The following RAD51B variants were observed in gnomAD, a reference collection of about 807,000 sequenced individuals.
RAD51B encodes the protein RAD51 paralog B.
Under a neutral mutation model 42.2 loss-of-function variants are expected in RAD51B, and 38 were observed. That is an observed-to-expected ratio of 0.90 (90% CI 0.70 to 1.18). The LOEUF (loss-of-function observed/expected upper bound fraction) is 1.18. RAD51B is among the 50% of genes most tolerant of loss of function. The pLI is 0.00. For synonymous variants in RAD51B, 154 were observed against 145.2 expected, an observed-to-expected ratio of 1.06 and a Z score of -0.43; for missense variants, 373 against 400.7, an observed-to-expected ratio of 0.93 and a Z score of 0.59.
Position 67,891,224 on chromosome 14 carries a change from T to A in RAD51B, c.756+4020T>A, listed in dbSNP as rs537732984. Among the ~76,000 whole-genome samples, 19 of 152,258 alleles carry A rather than the reference T, an allele frequency of 1.2e-4. No individual in the cohort carries two copies. The South Asian group carries it at 3.7e-3, about 30-fold the overall frequency. Reference sequence around the variant, plus strand: ...TAACACTATTTACAAAAGAGGTTTATGGAGATAAATTTGGATATATTATTA... The same window carrying A: ...TAACACTATTTACAAAAGAGGTTTAAGGAGATAAATTTGGATATATTATTA... On this transcript the variant is annotated intron_variant, in intron 7 of 10. Coordinates refer to ENST00000471583, the MANE Select transcript of RAD51B (RefSeq NM_133510.4).
intron 7 of RAD51B, among the ~76,000 whole-genome samples, chr14:67,906,210 A>G (rs562782083): frequency 6.6e-6 from 1 of 152,040 alleles, no homozygotes; most frequent in Non-Finnish European, 1.5e-5. Context: ...ATTGATTTGC[A>G]TGTTGAGCCA....
At chr14:68,579,364 C>T (rs1215659651) in intron 10 of RAD51B, among the ~76,000 whole-genome samples, 2 of 152,122 alleles carry the variant, frequency 1.3e-5, no homozygotes, top group African/African-American at 4.8e-5. Context: ...ATTCCTGGAG[C>T]ACAGAATGTA....
At chr14:67,865,236 C>G in intron 5 of RAD51B, 97 bp downstream of exon 5, 1 of 1,173,326 alleles carries the variant, frequency 8.5e-7, no homozygotes, top group South Asian at 2.5e-5. Context: ...ACCCCTCCCC[C>G]TTGCCTTTTT....
intron 7 of RAD51B, among the ~76,000 whole-genome samples, chr14:68,018,514 A>T (rs1193543342): frequency 6.6e-6 from 1 of 152,234 alleles, no homozygotes; most frequent in African/African-American, 2.4e-5. Context: ...GAGTTTCAAC[A>T]AGGATTAGAT....
chr14:68,378,364 T>A (rs1433903356), intron 8 of RAD51B, among the ~76,000 whole-genome samples: 2 of 152,226 alleles, frequency 1.3e-5, no homozygotes, highest in African/African-American at 4.8e-5. Context: ...TTTAATTTAT[T>A]AGTGCCCAAC....
At chr14:68,356,876 G>C (rs1037372199) in intron 8 of RAD51B, among the ~76,000 whole-genome samples, 4 of 151,494 alleles carry the variant, frequency 2.6e-5, no homozygotes, top group African/African-American at 4.8e-5. Context: ...CCAGCTACTT[G>C]GGAGGCTGAG....
chr14:68,420,305 G>A (rs766933961), intron 9 of RAD51B, among the ~76,000 whole-genome samples: 9 of 152,168 alleles, frequency 5.9e-5, no homozygotes, highest in Non-Finnish European at 1.3e-4. Context: ...TTTGGGGTGA[G>A]TCCATAAAGA....
intron 5 of RAD51B, among the ~76,000 whole-genome samples, chr14:67,877,111 G>A (rs1276890691): frequency 2.0e-5 from 3 of 151,936 alleles, no homozygotes; most frequent in Admixed American, 2.0e-4. Context: ...TTTTTTTACA[G>A]TAATAAATAG....
intron 10 of RAD51B, among the ~76,000 whole-genome samples, chr14:68,605,028 A>G (rs4375591): frequency 0.85 from 129,066 of 152,148 alleles, 55,044 homozygotes; most frequent in Middle Eastern, 0.9. Flanking sequence ...GGTGTGGCCC[A>G]GGCGGTGCTG....
intron 8 of RAD51B, among the ~76,000 whole-genome samples, chr14:68,329,931 G>A (rs185480875): frequency 1.3e-5 from 2 of 148,724 alleles, no homozygotes; most frequent in Non-Finnish European, 1.5e-5. Context: ...GCAGTGAGCC[G>A]AGATCGTGCC....
intron 10 of RAD51B, among the ~76,000 whole-genome samples, chr14:68,503,257 G>T (rs1304906486): frequency 1.3e-5 from 2 of 152,224 alleles, no homozygotes; most frequent in Non-Finnish European, 2.9e-5. Flanking sequence ...AGGAGGGTGT[G>T]TGTGGAGGAA....
At chr14:68,241,269 G>C (rs540059960) in intron 7 of RAD51B, among the ~76,000 whole-genome samples, 1 of 152,200 alleles carries the variant, frequency 6.6e-6, no homozygotes, top group Admixed American at 6.5e-5. Context: ...TCAGGCGGGC[G>C]TGGTGGCTCA....
intron 4 of RAD51B, among the ~76,000 whole-genome samples, chr14:67,838,794 G>T: frequency 7.5e-6 from 1 of 133,586 alleles, no homozygotes; most frequent in Middle Eastern, 4.0e-3. Flanking sequence ...ATTATTTCTA[G>T]ATAAAAAAGT....
intron 9 of RAD51B, among the ~76,000 whole-genome samples, chr14:68,457,342 A>G (rs1052018537): frequency 6.6e-6 from 1 of 152,244 alleles, no homozygotes; most frequent in African/African-American, 2.4e-5. Flanking sequence ...AAGAGAAATT[A>G]GAAATGAGTG....
intron 5 of RAD51B, among the ~76,000 whole-genome samples, chr14:67,882,289 A>G (rs562185750): frequency 6.6e-6 from 1 of 152,114 alleles, no homozygotes; most frequent in African/African-American, 2.4e-5. Context: ...GCTTCTTGGA[A>G]CTATTCTCTC....
intron 7 of RAD51B, among the ~76,000 whole-genome samples, chr14:67,934,264 C>T (rs2044851969): frequency 6.6e-6 from 1 of 151,982 alleles, no homozygotes; most frequent in South Asian, 2.1e-4. Flanking sequence ...CCTGTGAGAG[C>T]AGCTGGTGGC....
intron 7 of RAD51B, among the ~76,000 whole-genome samples, chr14:68,158,081 T>C (rs1555945): frequency 0.82 from 125,274 of 152,034 alleles, 51,826 homozygotes; most frequent in East Asian, 0.98. Context: ...AGACCTAGCT[T>C]GTGGCAGACT....
At chr14:68,502,235 C>T (rs1197278580) in intron 10 of RAD51B, among the ~76,000 whole-genome samples, 5 of 152,218 alleles carry the variant, frequency 3.3e-5, no homozygotes, top group African/African-American at 1.2e-4. Context: ...TCATCCCAGC[C>T]TGAAGGAGGG....
At chr14:68,305,276 G>C (rs1160450202) in intron 8 of RAD51B, among the ~76,000 whole-genome samples, 1 of 152,182 alleles carries the variant, frequency 6.6e-6, no homozygotes, top group African/African-American at 2.4e-5. Context: ...TACACGTTAA[G>C]TATGAAGCAT....
Sources: gnomAD v4.1 joint callset for allele counts (sites outside exome capture counted in the v4.1 genomes callset) on GRCh38, gnomAD v4.1.1 for gene constraint, MANE v1.5 for transcripts, NCBI Gene and HGNC (gene_info 2026-07-23, HGNC 2026-07-21) for gene names.